Variants in S100A8 observed in about 807,000 individuals in gnomAD.
S100A8 encodes protein S100-A8.
A neutral mutation model predicts 4.2 loss-of-function variants in S100A8; 1 was observed. The observed-to-expected ratio is 0.24, with a 90% CI of 0.08 to 1.12. S100A8 has a LOEUF of 1.12. Among genes scored for constraint, S100A8 ranks in the 50% most tolerant of loss-of-function variants. The pLI, the probability that S100A8 is intolerant of heterozygous loss-of-function variation, is 0.53. For missense variants in S100A8, 96 were observed against 111.8 expected (o/e 0.86, Z 0.64); for synonymous variants, 41 against 44.7 (o/e 0.92, Z 0.33).
chr1:153,391,282 T>A, upstream of S100A8: 1 of 842,684 alleles, frequency 1.2e-6, no homozygotes, highest in Non-Finnish European at 1.4e-6. Flanking sequence ...TGGGCAATAG[T>A]GCCCAGAAGG....
the S100A8 span, among the ~76,000 whole-genome samples, chr1:153,408,628 G>C: frequency 5.0e-3 from 758 of 152,114 alleles, 5 homozygotes; most frequent in African/African-American, 0.017. Context: ...TACAGAGAGG[G>C]CCACAAAGAT....
At chr1:153,394,642 G>A (rs1362523459), upstream of S100A8, among the ~76,000 whole-genome samples, 1 of 152,196 alleles carries the variant, frequency 6.6e-6, no homozygotes, top group African/African-American at 2.4e-5. Context: ...AAGGAATGGA[G>A]GGCCCAGCTA....
At chr1:153,393,920 TC>T, upstream of S100A8, among the ~76,000 whole-genome samples, 1 of 152,046 alleles carries the variant, frequency 6.6e-6, no homozygotes, top group Non-Finnish European at 1.5e-5. Flanking sequence ...GTGACCTCCT[TC>T]CCACATCATG....
chr1:153,418,419 T>A, the S100A8 span, among the ~76,000 whole-genome samples: 1 of 152,146 alleles, frequency 6.6e-6, no homozygotes, highest in African/African-American at 2.4e-5. Flanking sequence ...GAAAGAGTTA[T>A]ACAGATATAA....
chr1:153,409,024 T>A, the S100A8 span, among the ~76,000 whole-genome samples: 2 of 152,130 alleles, frequency 1.3e-5, no homozygotes, highest in Non-Finnish European at 2.9e-5. Context: ...TACAAAAACA[T>A]GCCAAACTGT....
the S100A8 span, among the ~76,000 whole-genome samples, chr1:153,402,687 T>C: frequency 0.011 from 1,693 of 152,340 alleles, 23 homozygotes; most frequent in African/African-American, 0.039. Flanking sequence ...GTAAAGCTGA[T>C]AGTTCTCCCA....
upstream of S100A8, among the ~76,000 whole-genome samples, chr1:153,394,059 C>G (rs1382717782): frequency 6.6e-6 from 1 of 152,174 alleles, no homozygotes; most frequent in African/African-American, 2.4e-5. Flanking sequence ...GGTATCAGGA[C>G]TTGGGTAAGC....
At chr1:153,414,413 A>G in the S100A8 span, among the ~76,000 whole-genome samples, 11 of 152,248 alleles carry the variant, frequency 7.2e-5, no homozygotes, top group Admixed American at 1.3e-4. Context: ...ACTCAGAGAT[A>G]AGAACACAAA....
At chr1:153,395,501 C>A (rs1662193569), upstream of S100A8, among the ~76,000 whole-genome samples, 1 of 152,104 alleles carries the variant, frequency 6.6e-6, no homozygotes. Context: ...TTTTCTGATG[C>A]CGCCTCCCTC....
the S100A8 span, among the ~76,000 whole-genome samples, chr1:153,417,655 GC>G: frequency 2.0e-5 from 3 of 152,220 alleles, no homozygotes; most frequent in Admixed American, 6.5e-5. Context: ...CCATTGTCCT[GC>G]CCCCGTGACT....
At chr1:153,417,676 A>G in the S100A8 span, among the ~76,000 whole-genome samples, 1 of 152,104 alleles carries the variant, frequency 6.6e-6, no homozygotes, top group African/African-American at 2.4e-5. Context: ...TCTCACCCCG[A>G]CTGTGAAGCT....
At chr1:153,404,784 T>C in the S100A8 span, among the ~76,000 whole-genome samples, 1 of 152,126 alleles carries the variant, frequency 6.6e-6, no homozygotes, top group Non-Finnish European at 1.5e-5. Flanking sequence ...AAGCTTTTGG[T>C]GAAGATCTCT....
chr1:153,418,759 T>A, the S100A8 span, among the ~76,000 whole-genome samples: 1 of 151,026 alleles, frequency 6.6e-6, no homozygotes, highest in Non-Finnish European at 1.5e-5. Flanking sequence ...GGAGAGGAGG[T>A]CAGAGAAAGA....
At chr1:153,416,453 C>A in the S100A8 span, 1 of 351,786 alleles carries the variant, frequency 2.8e-6, no homozygotes, top group Non-Finnish European at 5.7e-6. Flanking sequence ...AGAGGTGGCC[C>A]CAGGCCTCCC....
At chr1:153,390,322 C>G in intron 2 of S100A8, 73 bp downstream of exon 2, 1 of 1,603,106 alleles carries the variant, frequency 6.2e-7, no homozygotes, top group Non-Finnish European at 8.5e-7. Flanking sequence ...TGAAGGGTGG[C>G]AGGGAGGACC....
At chr1:153,391,282 T>G, upstream of S100A8, 1 of 842,682 alleles carries the variant, frequency 1.2e-6, no homozygotes, top group Non-Finnish European at 1.4e-6. Flanking sequence ...TGGGCAATAG[T>G]GCCCAGAAGG....
At chr1:153,412,611 T>C in the S100A8 span, among the ~76,000 whole-genome samples, 1 of 152,314 alleles carries the variant, frequency 6.6e-6, no homozygotes, top group African/African-American at 2.4e-5. Context: ...TACCATTATA[T>C]GACCCAGCCA....
At position 153,390,037 on chromosome 1, in the gene S100A8, T is replaced by C. The variant is rs1369493541; in HGVS notation, c.*66A>G. On this transcript the variant is annotated 3_prime_UTR_variant, in exon 3 of 3. Transcript: ENST00000368733. The stretch of plus-strand genomic sequence containing the variant: ...AAAAGCATAAGAGAGAGGCATGAGG[T>C]ATTGATGACTTTATTATTCTGCAGG... 1.5e-6 allele frequency: 2 copies of C among 1,372,076 alleles called. No homozygotes were observed. Among genetic ancestry groups the C allele is most frequent in the Non-Finnish European group, 2.0e-6 (2 of 990,086 alleles). The allele number at this position is 1,372,076 out of a possible 1,614,324, so 85.0% of individuals were successfully genotyped here. A position where few individuals can be genotyped will look rare whatever the true frequency, so the allele number is the denominator to read the frequency against.
the S100A8 span, among the ~76,000 whole-genome samples, chr1:153,403,956 C>T: frequency 5.3e-5 from 8 of 152,254 alleles, no homozygotes; most frequent in South Asian, 1.0e-3. Flanking sequence ...AGCACCTGAC[C>T]GCCCATACTT....
Sources: gnomAD v4.1 joint callset for allele counts (sites outside exome capture counted in the v4.1 genomes callset) on GRCh38, gnomAD v4.1.1 for gene constraint, MANE v1.5 for transcripts, NCBI Gene and HGNC (gene_info 2026-07-23, HGNC 2026-07-21) for gene names.